The following LMX1B variants were observed in gnomAD, a reference collection of about 807,000 sequenced individuals.
The protein encoded by LMX1B is LIM homeobox transcription factor 1-beta.
A neutral mutation model predicts 51.4 loss-of-function variants in LMX1B; 12 were observed. The observed-to-expected ratio is 0.23, with a 90% confidence interval of 0.15 to 0.38. The LOEUF (loss-of-function observed/expected upper bound fraction) is 0.38, where lower values mean the gene tolerates loss of function less well. Ranked by LOEUF, LMX1B falls within the 10% of genes least tolerant of loss-of-function variation. The pLI is 1.00. For missense variants in LMX1B, 445 were observed against 571.1 expected (o/e 0.78, Z 2.25); for synonymous variants, 237 against 235.4 (o/e 1.01, Z -0.06).
chr9:126,624,395 C>T (rs983227160), intron 2 of LMX1B, among the ~76,000 whole-genome samples: 1 of 152,238 alleles, frequency 6.6e-6, no homozygotes, highest in Non-Finnish European at 1.5e-5. Context: ...CAGCCCTCGC[C>T]CCTCCCCAAG....
At chr9:126,637,874 C>T (rs1835741853) in intron 2 of LMX1B, among the ~76,000 whole-genome samples, 1 of 150,450 alleles carries the variant, frequency 6.6e-6, no homozygotes, top group African/African-American at 2.5e-5. Flanking sequence ...AGTACCCTCC[C>T]CTCCTCTCTG....
chr9:126,624,844 G>A (rs926108047), intron 2 of LMX1B, among the ~76,000 whole-genome samples: 3 of 152,060 alleles, frequency 2.0e-5, no homozygotes, highest in Admixed American at 6.6e-5. Context: ...CCAATTATAG[G>A]CGAGCCATAT....
At position 126,671,865 on chromosome 9, in the gene LMX1B, C is replaced by T. The variant is rs973083332; in HGVS notation, c.327-18971C>T. On this transcript the variant is annotated intron_variant, in intron 2 of 7. Coordinates refer to ENST00000373474, the MANE Select transcript of LMX1B (RefSeq NM_001174147.2). The surrounding 1 kb of genome is among the most constrained non-coding windows in gnomAD (Gnocchi z 4.4). ...GGCCACTTGGCCAGGCCTCCACTCC[C>T]CTCCCTCCAGAGGGGCAGAGAGGGA... Among the ~76,000 whole-genome samples the T allele has an allele frequency of 8.5e-5, 13 of 152,258 alleles. No individual in the cohort carries two copies. The highest frequency in any genetic ancestry group is 1.8e-4 in the Non-Finnish European group (12 of 68,034).
At chr9:126,689,229 C>T (rs1256048623) in intron 2 of LMX1B, among the ~76,000 whole-genome samples, 2 of 152,206 alleles carry the variant, frequency 1.3e-5, no homozygotes. Flanking sequence ...GTGCTCTGGC[C>T]AGTGCCCAGG....
chr9:126,620,103 C>T (rs1013618749), intron 2 of LMX1B, among the ~76,000 whole-genome samples: 14 of 152,202 alleles, frequency 9.2e-5, no homozygotes, highest in African/African-American at 3.4e-4. Flanking sequence ...AATACCTTGT[C>T]TCCAAGGACA....
intron 2 of LMX1B, among the ~76,000 whole-genome samples, chr9:126,645,082 G>A (rs1034960553): frequency 5.9e-5 from 9 of 152,156 alleles, no homozygotes; most frequent in Non-Finnish European, 7.3e-5. Context: ...GTTCCAGCTC[G>A]CTTTGAATCG....
At chr9:126,656,640 A>G (rs959932100) in intron 2 of LMX1B, among the ~76,000 whole-genome samples, 22 of 152,212 alleles carry the variant, frequency 1.4e-4, no homozygotes, top group African/African-American at 5.1e-4. Context: ...CCTCCTGCCC[A>G]TCCCTCAAGC....
In LMX1B at chr9:126,693,508, C is replaced by CCA; in HGVS notation, c.742-15_742-14insAC. 6.2e-7 allele frequency: 1 copy of CCA among 1,613,466 alleles called. No individual in the cohort carries two copies. Among genetic ancestry groups the CCA allele is most frequent in the Non-Finnish European group, 8.5e-7 (1 of 1,179,666 alleles). On this transcript the variant is annotated splice_polypyrimidine_tract_variant and intron_variant, in intron 4 of 7. Transcript: ENST00000373474. ...GCCCCTGGAGGGCCTGACCTGTTCC[C>CCA]CTCTCTCTGAGCCAGGTCCGAGAGA...
At chr9:126,681,900 CA>C (rs1284203389) in intron 2 of LMX1B, among the ~76,000 whole-genome samples, 68 of 139,030 alleles carry the variant, frequency 4.9e-4, no homozygotes, top group East Asian at 8.2e-4. Context: ...GACTCCATCT[CA>C]AAAAAAAAAA....
chr9:126,618,930 G>A lies in LMX1B; in HGVS notation c.326+3361G>A, dbSNP rs1288483158. 6.6e-6 allele frequency among the ~76,000 whole-genome samples: 1 copy of A among 151,892 alleles called. No individual in the cohort carries two copies. The highest frequency in any genetic ancestry group is 2.4e-5 in the African/African-American group (1 of 41,368). On this transcript the variant is annotated intron_variant, in intron 2 of 7. Transcript: ENST00000373474. This position sits in a 1 kb window ranked among gnomAD's most constrained non-coding sequence, Gnocchi z 4.5. ...CGCCTTTGTGCACGGCGAGACGCGGGGTTCCGGCCCGGGCCGCGCTCCTAC... is the reference window on the plus strand; with the variant it reads ...CGCCTTTGTGCACGGCGAGACGCGGAGTTCCGGCCCGGGCCGCGCTCCTAC...
rs1408245893 is a variant in LMX1B, at chr9:126,618,073, G to T, written c.326+2504G>T. On this transcript the variant is annotated intron_variant, in intron 2 of 7. Coordinates refer to ENST00000373474, the MANE Select transcript of LMX1B (RefSeq NM_001174147.2). The surrounding 1 kb of genome is among the most constrained non-coding windows in gnomAD (Gnocchi z 4.5). ...ACATTTCTTTTTTTCTTTGAGAATT[G>T]CAGATGCATATTTATTTCATCTGTG... Among the ~76,000 whole-genome samples the T allele has an allele frequency of 6.6e-6, 1 of 152,050 alleles. No individual in the cohort carries two copies. Among genetic ancestry groups the T allele is most frequent in the Admixed American group, 6.5e-5 (1 of 15,270 alleles).
chr9:126,687,416 G>C (rs1564167363), intron 2 of LMX1B, among the ~76,000 whole-genome samples: 1 of 152,050 alleles, frequency 6.6e-6, no homozygotes, highest in Admixed American at 6.6e-5. Flanking sequence ...TTTTAGTAGA[G>C]ACGGGGTTTC....
Position 126,671,688 on chromosome 9 carries a change from A to G in LMX1B, c.327-19148A>G, listed in dbSNP as rs915208285. ...AGGTCAGCGGGCCTGCCCTGTGCCG[A>G]GCGGTGGAATTTTTCAATAACCAGC... On this transcript the variant is annotated intron_variant, in intron 2 of 7. Transcript: ENST00000373474. This position sits in a 1 kb window ranked among gnomAD's most constrained non-coding sequence, Gnocchi z 4.4. Among the ~76,000 whole-genome samples, 3 of 152,026 alleles carry G rather than the reference A, an allele frequency of 2.0e-5. No individual in the cohort carries two copies. The highest frequency in any genetic ancestry group is 7.2e-5 in the African/African-American group (3 of 41,392).
rs1836445652 is a variant in LMX1B at position 126,671,290 on chromosome 9, T to G, written c.327-19546T>G. Among the ~76,000 whole-genome samples the G allele has an allele frequency of 6.6e-6, 1 of 152,112 alleles. No homozygotes were observed. Among genetic ancestry groups the G allele is most frequent in the South Asian group, 2.1e-4 (1 of 4,830 alleles). On this transcript the variant is annotated intron_variant, in intron 2 of 7. Coordinates refer to ENST00000373474, the MANE Select transcript of LMX1B (RefSeq NM_001174147.2). This position sits in a 1 kb window ranked among gnomAD's most constrained non-coding sequence, Gnocchi z 4.4. ...GCTTTAATTTTTTAAAAGCCCCACG[T>G]AGATGCTTTGCATTGTGAAAACCCA...
At chr9:126,647,535 G>A (rs1042569891) in intron 2 of LMX1B, among the ~76,000 whole-genome samples, 3 of 152,298 alleles carry the variant, frequency 2.0e-5, no homozygotes, top group South Asian at 4.1e-4. Flanking sequence ...ATGGACAGTG[G>A]GGTTTGCATC....
intron 2 of LMX1B, among the ~76,000 whole-genome samples, chr9:126,650,250 C>T (rs1164863893): frequency 2.6e-5 from 4 of 152,160 alleles, no homozygotes; most frequent in Non-Finnish European, 5.9e-5. Flanking sequence ...TCTGGCACGT[C>T]AAGTGAGGGA....
intron 2 of LMX1B, among the ~76,000 whole-genome samples, chr9:126,639,956 G>T (rs956808403): frequency 6.6e-6 from 1 of 152,204 alleles, no homozygotes; most frequent in African/African-American, 2.4e-5. Context: ...TTTGCAGCCT[G>T]GTAGTTTATT....
At chr9:126,661,130 T>C (rs10760449) in intron 2 of LMX1B, among the ~76,000 whole-genome samples, 53,238 of 152,074 alleles carry the variant, frequency 0.35, 9,807 homozygotes, top group Non-Finnish European at 0.4. Context: ...GACACGCCCA[T>C]ACACAGGACA....
chr9:126,688,316 G>A (rs941521368), intron 2 of LMX1B, among the ~76,000 whole-genome samples: 2 of 152,196 alleles, frequency 1.3e-5, no homozygotes, highest in Non-Finnish European at 2.9e-5. Flanking sequence ...CAGGTCACCC[G>A]CCCTGCTGCC....
Sources: allele counts gnomAD v4.1 joint callset (sites outside exome capture counted in the v4.1 genomes callset), GRCh38; gene constraint gnomAD v4.1.1; non-coding constraint Gnocchi (gnomAD v3.1); transcripts MANE v1.5; gene names NCBI Gene and HGNC (gene_info 2026-07-23, HGNC 2026-07-21).